Variants in IRF2BPL observed in about 807,000 individuals in gnomAD.
IRF2BPL encodes interferon regulatory factor 2 binding protein like.
A neutral mutation model predicts 51.2 loss-of-function variants in IRF2BPL; 13 were observed. The ratio of observed to expected loss-of-function variants is 0.25; its 90% CI spans 0.17 to 0.40. IRF2BPL has a LOEUF of 0.40. Among genes scored for constraint, IRF2BPL ranks in the 10% least tolerant of loss-of-function variants. The pLI is 1.00. For synonymous variants in IRF2BPL, 768 were observed against 509.2 expected, an observed-to-expected ratio of 1.51 and a Z score of -6.84; for missense variants, 1,210 against 1,111.8, an observed-to-expected ratio of 1.09 and a Z score of -1.26.
chr14:77,026,240 G>A lies in IRF2BPL; in HGVS notation c.1553C>T (p.Pro518Leu), dbSNP rs1038195917. Reference protein sequence around the residue: ...PTALVSLSRAPSAPPGTGALP... With the variant: ...PTALVSLSRALSAPPGTGALP... ...GGCCCCGGTCCCCGGGGGTGCGCTGGGGGCGCGGCTCAGACTCACCAGAGC... is the reference window on the plus strand; with the variant it reads ...GGCCCCGGTCCCCGGGGGTGCGCTGAGGGCGCGGCTCAGACTCACCAGAGC... Residue 518 changes from proline to leucine, a missense_variant, in exon 1 of 1, where the codon CCC becomes CTC. By Grantham distance (98) the Pro-to-Leu change is moderately conservative. Transcript: ENST00000238647. 3 of 1,430,898 alleles carry A rather than the reference G, an allele frequency of 2.1e-6. No homozygotes were observed. The highest frequency in any genetic ancestry group is 2.7e-6 in the Non-Finnish European group (3 of 1,097,430). The allele number at this position is 1,430,898 out of a possible 1,614,324, so 88.6% of individuals were successfully genotyped here.
chr14:77,025,656 G>C lies in IRF2BPL; in HGVS notation c.2137C>G (p.Leu713Val). 8 of 1,567,364 alleles carry C rather than the reference G, an allele frequency of 5.1e-6. No homozygotes were observed. Among genetic ancestry groups the C allele is most frequent in the Non-Finnish European group, 6.9e-6 (8 of 1,153,850 alleles). ...CGTTCGTGGCAAATGGTGCAGCAGA[G>C]GGGTCCGCTGTTGGCCATGGGGGAA... ...PDSPMANSGP[L>V]CCTICHERLE... The change falls in exon 1 of 1, where the codon CTC (leucine) becomes GTC (valine). Residue 713 changes from leucine to valine, a missense_variant. Coordinates refer to ENST00000238647, the MANE Select transcript of IRF2BPL (RefSeq NM_024496.4).
chr14:77,027,950 T>A lies in IRF2BPL; in HGVS notation c.-158A>T, dbSNP rs1885211533. On this transcript the variant is annotated 5_prime_UTR_variant, in exon 1 of 1. Transcript: ENST00000238647. The stretch of plus-strand genomic sequence containing the variant: ...CCAGGGGCTGGAGGGAACGCGAGTC[T>A]CCACCGCCGGCGCAGCGCCTCGCCG... 1 of 903,100 alleles carries A rather than the reference T, an allele frequency of 1.1e-6. No individual in the cohort carries two copies. The allele number at this position is 903,100 out of a possible 1,614,324, so 55.9% of individuals were successfully genotyped here.
Position 77,027,738 on chromosome 14 carries a change from G to A in IRF2BPL, c.55C>T (p.Leu19=), listed in dbSNP as rs201330115. Residue 19 remains leucine (L), a synonymous_variant, in exon 1 of 1, where the codon CTG becomes TTG. Coordinates refer to ENST00000238647, the MANE Select transcript of IRF2BPL (RefSeq NM_024496.4). ...ATCATGGCCCAGGGCATGCGGGGCA[G>A]GTCGCACAGGTAGCAAGATTGTCTC... ...SRRQSCYLCD[L]PRMPWAMIWD... 37 of 1,605,486 alleles carry A rather than the reference G, an allele frequency of 2.3e-5. No individual in the cohort carries two copies. The highest frequency in any genetic ancestry group is 5.0e-5 in the Admixed American group (3 of 59,574).
Position 77,025,511 on chromosome 14 carries a change from C to T in IRF2BPL, c.2282G>A (p.Gly761Glu). The change falls in exon 1 of 1, where the codon GGA becomes GAA. Residue 761 changes from glycine to glutamate, a missense_variant. Gly to Glu is a moderately conservative substitution (Grantham distance 98, BLOSUM62 -2). Coordinates refer to ENST00000238647, the MANE Select transcript of IRF2BPL (RefSeq NM_024496.4). ...CGACCCGACTAGGGGGCATTTCTCT[C>T]CGCTGGGGCAATACACCTCGCCGGT... is the stretch of plus-strand genomic sequence containing the variant. ...GATGEVYCPS[G>E]EKCPLVGSNV... is the part of the protein sequence containing the mutation. 3.1e-6 allele frequency: 5 copies of T among 1,613,984 alleles called. No homozygotes were observed. Among genetic ancestry groups the T allele is most frequent in the Non-Finnish European group, 4.2e-6 (5 of 1,179,926 alleles).
chr14:77,027,061 AC>A lies in IRF2BPL; in HGVS notation c.731del (p.Gly244ValfsTer101), dbSNP rs1356336393. 3 of 1,584,180 alleles carry A rather than the reference AC, an allele frequency of 1.9e-6. No individual in the cohort carries two copies. The highest frequency in any genetic ancestry group is 8.6e-7 in the Non-Finnish European group (1 of 1,167,206). On this transcript the variant is annotated frameshift_variant, in exon 1 of 1. Coordinates refer to ENST00000238647, the MANE Select transcript of IRF2BPL (RefSeq NM_024496.4). LOFTEE classifies it high-confidence loss of function. ...GLVTGLPNPG[G>X]GGGPQLTVPP... is the part of the protein sequence containing the mutation. ...GCACGGTGAGCTGGGGGCCTCCGCC[AC>A]CCCCCGGGTTGGGCAGCCCCGTAAC...
chr14:77,027,529 C>T lies in IRF2BPL; in HGVS notation c.264G>A (p.Ala88=). 2.8e-6 allele frequency: 2 copies of T among 715,232 alleles called. No homozygotes were observed. Among genetic ancestry groups the T allele is most frequent in the Non-Finnish European group, 3.5e-6 (2 of 576,682 alleles). The allele number at this position is 715,232 out of a possible 1,614,324, so 44.3% of individuals were successfully genotyped here. A position where few individuals can be genotyped will look rare whatever the true frequency, so the allele number is the denominator to read the frequency against. ...VKTVALSAKE[A]AAAAAAAAAA... ...CCGCCGCTGCTGCCGCCGCCGCCGC[C>T]GCTTCCTTAGCCGACAGGGCCACTG... is the stretch of plus-strand genomic sequence containing the variant. The change falls in exon 1 of 1, where the codon GCG becomes GCA. Residue 88 remains alanine, a synonymous_variant. Coordinates refer to ENST00000238647, the MANE Select transcript of IRF2BPL (RefSeq NM_024496.4).
In IRF2BPL at chr14:77,028,663, G is replaced by C. The variant is rs2139978824; in HGVS notation, c.-871C>G. ...TGTGATTGTTACTCTACGTTCCGGAGGCGCGTCTCGGCGCTCCTGCTCCGG... is the reference window on the plus strand; with the variant it reads ...TGTGATTGTTACTCTACGTTCCGGACGCGCGTCTCGGCGCTCCTGCTCCGG... On this transcript the variant is annotated 5_prime_UTR_variant, in exon 1 of 1. Transcript: ENST00000238647. 1 of 381,228 alleles carries C rather than the reference G, an allele frequency of 2.6e-6. No homozygotes were observed. The highest frequency in any genetic ancestry group is 3.7e-5 in the East Asian group (1 of 26,784). 23.6% of individuals were successfully genotyped at this position (381,228 alleles called of 1,614,324 possible). A position where few individuals can be genotyped will look rare whatever the true frequency, so the allele number is the denominator to read the frequency against.
chr14:77,027,802 C>T lies in IRF2BPL; in HGVS notation c.-10G>A, dbSNP rs1414649190. The T allele has an allele frequency of 1.3e-6, 2 of 1,543,294 alleles. No homozygotes were observed. Among genetic ancestry groups the T allele is most frequent in the Non-Finnish European group, 1.8e-6 (2 of 1,140,890 alleles). On this transcript the variant is annotated 5_prime_UTR_variant, in exon 1 of 1. Transcript: ENST00000238647. Reference sequence around the variant, plus strand: ...CCTGCGCCGCCGACATGATGCCTGCCCTGGGGAAGGTAGGCCCCCGCCCGG... The same window carrying T: ...CCTGCGCCGCCGACATGATGCCTGCTCTGGGGAAGGTAGGCCCCCGCCCGG...
chr14:77,025,771 T>G lies in IRF2BPL; in HGVS notation c.2022A>C (p.Ser674=), dbSNP rs1226728543. 2.5e-6 allele frequency: 4 copies of G among 1,606,900 alleles called. No individual in the cohort carries two copies. The highest frequency in any genetic ancestry group is 2.7e-5 in the African/African-American group (2 of 74,918). ...CCTGTAAATTCAGGTCCCCGTTACG[T>G]GATGCCAAGCGGCGCTGCCCCGGCA... The part of the protein sequence containing the change: ...ASVPGQRRLA[S]RNGDLNLQVA... The change falls in exon 1 of 1, where the codon TCA becomes TCC. Residue 674 remains serine (S), a synonymous_variant. Transcript: ENST00000238647.
chr14:77,026,491 T>C lies in IRF2BPL; in HGVS notation c.1302A>G (p.Ala434=). 1 of 1,613,582 alleles carries C rather than the reference T, an allele frequency of 6.2e-7. No individual in the cohort carries two copies. Among genetic ancestry groups the C allele is most frequent in the Non-Finnish European group, 8.5e-7 (1 of 1,179,980 alleles). ...GATACATCTGCTTGGCCACACCAGA[T>C]GCACTGGAGTACACGTTGCCCGAGC... The part of the protein sequence containing the change: ...PTGSGNVYSS[A]SGVAKQMYQD... The change falls in exon 1 of 1, where the codon GCA becomes GCG. Residue 434 remains alanine (A), a synonymous_variant. Coordinates refer to ENST00000238647, the MANE Select transcript of IRF2BPL (RefSeq NM_024496.4).
At position 77,028,385 on chromosome 14, in the gene IRF2BPL, G is replaced by A; in HGVS notation, c.-593C>T. On this transcript the variant is annotated 5_prime_UTR_variant, in exon 1 of 1. Coordinates refer to ENST00000238647, the MANE Select transcript of IRF2BPL (RefSeq NM_024496.4). ...GCCGAGAAAGGACCTTCTCCCCTCC[G>A]CAGCGTCGGCCGTTCTGCTGGCGGC... 1 of 258,084 alleles carries A rather than the reference G, an allele frequency of 3.9e-6. No homozygotes were observed. 16.0% of individuals were successfully genotyped at this position (258,084 alleles called of 1,614,324 possible).
chr14:77,025,116 C>T lies in IRF2BPL; in HGVS notation c.*286G>A, dbSNP rs1024650080. On this transcript the variant is annotated 3_prime_UTR_variant, in exon 1 of 1. Transcript: ENST00000238647. ...CTGTACCTAGGCAAACATTCTGCCA[C>T]CAAATAAATGCTAACGATATGATGC... 5 of 252,320 alleles carry T rather than the reference C, an allele frequency of 2.0e-5. No individual in the cohort carries two copies. The highest frequency in any genetic ancestry group is 1.1e-4 in the Admixed American group (2 of 18,816). 15.6% of individuals were successfully genotyped at this position (252,320 alleles called of 1,614,324 possible). A position where few individuals can be genotyped will look rare whatever the true frequency, so the allele number is the denominator to read the frequency against.
rs1885169275 is a variant in IRF2BPL at position 77,027,354 on chromosome 14, C to T, written c.439G>A (p.Glu147Lys). Residue 147 changes from glutamate (E) to lysine (K), a missense_variant, in exon 1 of 1, where the codon GAG becomes AAG. Glu to Lys is a moderately conservative substitution (Grantham distance 56). Coordinates refer to ENST00000238647, the MANE Select transcript of IRF2BPL (RefSeq NM_024496.4). Reference sequence around the variant, plus strand: ...GCGGCAGCGCTTAGGCCGTAGCGCTCCAGGCCAGACGGGGCCGCCAGCACC... The same window carrying T: ...GCGGCAGCGCTTAGGCCGTAGCGCTTCAGGCCAGACGGGGCCGCCAGCACC... ...PAVLAAPSGL[E>K]RYGLSAAAAA... 1.3e-6 allele frequency: 2 copies of T among 1,520,090 alleles called. No homozygotes were observed. Among genetic ancestry groups the T allele is most frequent in the Non-Finnish European group, 1.8e-6 (2 of 1,137,810 alleles). 94.2% of individuals were successfully genotyped at this position (1,520,090 alleles called of 1,614,324 possible). A position where few individuals can be genotyped will look rare whatever the true frequency, so the allele number is the denominator to read the frequency against.
Position 77,027,448 on chromosome 14 carries a change from C to T in IRF2BPL, c.345G>A (p.Gln115=), listed in dbSNP as rs753856812. The T allele has an allele frequency of 1.1e-3, 1,417 of 1,296,112 alleles. No homozygotes were observed. The highest frequency in any genetic ancestry group is 3.2e-3 in the South Asian group (215 of 66,616). The allele number at this position is 1,296,112 out of a possible 1,614,324, so 80.3% of individuals were successfully genotyped here. A position where few individuals can be genotyped will look rare whatever the true frequency, so the allele number is the denominator to read the frequency against. The stretch of plus-strand genomic sequence containing the variant: ...GCTGCTGCTGCTGCTGCTGCTGCTG[C>T]TGTTGCTGCTGCTGCTGCTGCTGTT... The part of the protein sequence containing the change: ...QQQQQQQQQQ[Q]QQQQQQQQQQ... Residue 115 remains glutamine (Q), a synonymous_variant, in exon 1 of 1, where the codon CAG becomes CAA. Coordinates refer to ENST00000238647, the MANE Select transcript of IRF2BPL (RefSeq NM_024496.4).
In IRF2BPL at chr14:77,026,329, G is replaced by A. The variant is rs773401055; in HGVS notation, c.1464C>T (p.Gly488=). The part of the protein sequence containing the change: ...LPEAVRFFKE[G]VPGADMLPQP... Reference sequence around the variant, plus strand: ...GGGGCAGCATGTCGGCGCCGGGCACGCCCTCCTTGAAGAAGCGCACGGCTT... The same window carrying A: ...GGGGCAGCATGTCGGCGCCGGGCACACCCTCCTTGAAGAAGCGCACGGCTT... The change falls in exon 1 of 1, where the codon GGC becomes GGT. Residue 488 remains glycine, a synonymous_variant. Coordinates refer to ENST00000238647, the MANE Select transcript of IRF2BPL (RefSeq NM_024496.4). 3 of 1,584,660 alleles carry A rather than the reference G, an allele frequency of 1.9e-6. No individual in the cohort carries two copies. The highest frequency in any genetic ancestry group is 2.6e-6 in the Non-Finnish European group (3 of 1,166,932).
chr14:77,025,815 G>A lies in IRF2BPL; in HGVS notation c.1978C>T (p.Pro660Ser), dbSNP rs199646632. 1 of 1,612,314 alleles carries A rather than the reference G, an allele frequency of 6.2e-7. No homozygotes were observed. Among genetic ancestry groups the A allele is most frequent in the Non-Finnish European group, 8.5e-7 (1 of 1,179,752 alleles). The change falls in exon 1 of 1, where the codon CCA (proline) becomes TCA (serine). Residue 660 changes from proline (P) to serine (S), a missense_variant. Pro to Ser is a moderately conservative substitution (Grantham distance 74). Coordinates refer to ENST00000238647, the MANE Select transcript of IRF2BPL (RefSeq NM_024496.4). ...TASARRNSSS[P>S]VSPASVPGQR... ...CCCGGCACGGAGGCCGGCGAGACTG[G>A]GCTGCTGCTGTTTCGCCGCGCCGAC...
Position 77,028,586 on chromosome 14 carries a change from C to T in IRF2BPL, c.-794G>A. 2.6e-6 allele frequency: 1 copy of T among 386,222 alleles called. No homozygotes were observed. The highest frequency in any genetic ancestry group is 4.6e-6 in the Non-Finnish European group (1 of 217,976). 23.9% of individuals were successfully genotyped at this position (386,222 alleles called of 1,614,324 possible). A position where few individuals can be genotyped will look rare whatever the true frequency, so the allele number is the denominator to read the frequency against. On this transcript the variant is annotated 5_prime_UTR_variant, in exon 1 of 1. Transcript: ENST00000238647. ...GCAGGGCGCTCGCGCGGCGCCTCGG[C>T]CCGGGTCGCATCCCTTCCCGCTCGT... is the stretch of plus-strand genomic sequence containing the variant.
In IRF2BPL at chr14:77,027,562, C is replaced by A. The variant is rs1023453954; in HGVS notation, c.231G>T (p.Gly77=). 1.2e-6 allele frequency: 1 copy of A among 856,888 alleles called. No homozygotes were observed. Among genetic ancestry groups the A allele is most frequent in the Admixed American group, 2.7e-5 (1 of 37,092 alleles). The allele number at this position is 856,888 out of a possible 1,614,324, so 53.1% of individuals were successfully genotyped here. Residue 77 remains glycine, a synonymous_variant, in exon 1 of 1, where the codon GGG becomes GGT. Coordinates refer to ENST00000238647, the MANE Select transcript of IRF2BPL (RefSeq NM_024496.4). ...GRSPGPPPPV[G]VKTVALSAKE... is the part of the protein sequence containing the mutation. ...TAGCCGACAGGGCCACTGTCTTGAC[C>A]CCGACGGGCGGCGGCGGCCCGGGGG...
rs1885108798 is a variant in IRF2BPL at position 77,026,145 on chromosome 14, G to A, written c.1648C>T (p.Pro550Ser). The change falls in exon 1 of 1, where the codon CCC (proline) becomes TCC (serine). Residue 550 changes from proline (P) to serine (S), a missense_variant. Transcript: ENST00000238647. ...AGCGCGCCCTCGGCTGAGTCCGGGG[G>A]CTCCGGAGAGGCCTTTCTCTTGCGC... ...SLRKRKASPE[P>S]PDSAEGALKL... The A allele has an allele frequency of 1.3e-6, 2 of 1,534,442 alleles. No homozygotes were observed. Among genetic ancestry groups the A allele is most frequent in the Non-Finnish European group, 1.7e-6 (2 of 1,149,612 alleles).
Sources: allele counts gnomAD v4.1 joint callset, GRCh38; gene constraint gnomAD v4.1.1; transcripts MANE v1.5; gene names NCBI Gene and HGNC (gene_info 2026-07-23, HGNC 2026-07-21).